Variants in TMEM114 observed in about 807,000 individuals in gnomAD.
TMEM114 encodes the protein transmembrane protein 114.
Under a neutral mutation model 6.2 loss-of-function variants are expected in TMEM114, and 6 were observed. That is an observed-to-expected ratio of 0.97 (90% confidence interval 0.53 to 1.91). The LOEUF (loss-of-function observed/expected upper bound fraction) is 1.91, where lower values mean the gene tolerates loss of function less well. Among genes scored for constraint, TMEM114 ranks in the 40% most tolerant of loss-of-function variants. TMEM114 has a pLI of 0.01. For missense variants in TMEM114, 218 were observed against 158.3 expected, an observed-to-expected ratio of 1.38 and a Z score of -2.02; for synonymous variants, 104 against 73.0, an observed-to-expected ratio of 1.42 and a Z score of -2.16.
chr16:8,571,514 G>A (rs1476249328), intron 3 of TMEM114, among the ~76,000 whole-genome samples: 7 of 152,038 alleles, frequency 4.6e-5, no homozygotes, highest in South Asian at 2.1e-4. Context: ...TCACCATGAC[G>A]CCCAATAGAT....
At chr16:8,574,038 G>A (rs1186583972) in intron 2 of TMEM114, among the ~76,000 whole-genome samples, 1 of 152,148 alleles carries the variant, frequency 6.6e-6, no homozygotes, top group Non-Finnish European at 1.5e-5. Flanking sequence ...TAGACAGTGT[G>A]GCTCTCAGGC....
chr16:8,542,391 G>A (rs1900541071), intron 2 of TMEM114, among the ~76,000 whole-genome samples: 1 of 152,194 alleles, frequency 6.6e-6, no homozygotes, highest in Non-Finnish European at 1.5e-5. Context: ...ATAAGGAGAT[G>A]TGAGGGTCTC....
chr16:8,527,497 A>C, the TMEM114 span, among the ~76,000 whole-genome samples: 1 of 152,174 alleles, frequency 6.6e-6, no homozygotes, highest in African/African-American at 2.4e-5. Context: ...GCACAAAATA[A>C]GATAACAACT....
intron 2 of TMEM114, among the ~76,000 whole-genome samples, chr16:8,561,208 C>T (rs557737577): frequency 8.5e-5 from 13 of 152,318 alleles, no homozygotes; most frequent in South Asian, 4.1e-4. Flanking sequence ...TCTGTCCAGC[C>T]CTAGGGAGAT....
intron 2 of TMEM114, among the ~76,000 whole-genome samples, chr16:8,556,222 C>G (rs1210024135): frequency 2.0e-5 from 3 of 152,164 alleles, no homozygotes; most frequent in African/African-American, 7.2e-5. Context: ...ACACAAGTAT[C>G]AGCCCCTCTG....
intron 2 of TMEM114, among the ~76,000 whole-genome samples, chr16:8,562,614 GAGTGAGTGAGTGAATGAATCAGTC>G (rs1309941971): frequency 6.7e-6 from 1 of 150,178 alleles, no homozygotes; most frequent in African/African-American, 2.5e-5. Flanking sequence ...GTGAGTGAAT[GAGTGAGTGAGTGAATGAATCAGTC>G]AGTAAGTGAA....
intron 2 of TMEM114, among the ~76,000 whole-genome samples, chr16:8,539,617 G>A (rs1596465038): frequency 6.6e-6 from 1 of 152,122 alleles, no homozygotes; most frequent in Admixed American, 6.5e-5. Flanking sequence ...ATTCGGGGTT[G>A]TATCAGCTGG....
intron 2 of TMEM114, among the ~76,000 whole-genome samples, chr16:8,553,878 CTT>C (rs112276790): frequency 2.8e-5 from 4 of 144,732 alleles, no homozygotes; most frequent in South Asian, 2.2e-4. Context: ...TTTTCCTTTT[CTT>C]TTTTTTTTTT....
rs936208346 is a variant in TMEM114, at chr16:8,590,492, G to T, written c.-654C>A. On this transcript the variant is annotated 5_prime_UTR_variant, in exon 1 of 4. Transcript: ENST00000620492. ...GCTGACCCTCTGAGCCCTCCTCCTC[G>T]CCGAGGAAAAGCTCGGAGTGCGCAC... 6.6e-6 allele frequency among the ~76,000 whole-genome samples: 1 copy of T among 152,236 alleles called. No individual in the cohort carries two copies. The highest frequency in any genetic ancestry group is 1.5e-5 in the Non-Finnish European group (1 of 68,008).
intron 2 of TMEM114, among the ~76,000 whole-genome samples, chr16:8,563,961 A>G (rs1357271686): frequency 7.2e-5 from 9 of 125,140 alleles, no homozygotes; most frequent in East Asian, 3.0e-4. Context: ...GAGTGAGTGA[A>G]TGAGTGAATG....
chr16:8,531,904 G>T, the TMEM114 span: 1 of 152,326 alleles, frequency 6.6e-6, no homozygotes, highest in South Asian at 2.1e-4. Context: ...TTGGCAGATA[G>T]CTCTGTTATG....
At position 8,572,168 on chromosome 16, in the gene TMEM114, C is replaced by G. The variant is rs1049290776; in HGVS notation, c.358G>C (p.Gly120Arg). 2.0e-5 allele frequency: 31 copies of G among 1,551,594 alleles called. No homozygotes were observed. The highest frequency in any genetic ancestry group is 2.7e-5 in the Non-Finnish European group (31 of 1,146,956). ...AAGCTCAGAAACCCCGTCATCCCCC[C>G]AAAAACCATCAGGATCAGGCTGAGC... ...LPLSLILMVF[G>R]GMTGFLSFLL... Residue 120 changes from glycine to arginine, a missense_variant, in exon 3 of 4, where the codon GGG becomes CGG. Coordinates refer to ENST00000620492, the MANE Select transcript of TMEM114 (RefSeq NM_001146336.2).
intron 2 of TMEM114, among the ~76,000 whole-genome samples, chr16:8,547,042 T>A (rs1399095797): frequency 1.3e-5 from 2 of 152,236 alleles, no homozygotes; most frequent in Non-Finnish European, 2.9e-5. Context: ...TTAGAATGTT[T>A]ATCCAGTCTG....
chr16:8,557,184 G>C (rs1413726696), intron 2 of TMEM114, among the ~76,000 whole-genome samples: 1 of 152,134 alleles, frequency 6.6e-6, no homozygotes, highest in Non-Finnish European at 1.5e-5. Flanking sequence ...TTCCCTCCTT[G>C]TGAATCAGAA....
At chr16:8,586,672 G>C (rs145559439) in intron 2 of TMEM114, among the ~76,000 whole-genome samples, 6 of 152,026 alleles carry the variant, frequency 3.9e-5, no homozygotes, top group African/African-American at 1.4e-4. Context: ...ACCACACCGG[G>C]CTAATTTTTG....
intron 2 of TMEM114, among the ~76,000 whole-genome samples, chr16:8,539,008 T>C (rs1001404809): frequency 6.6e-6 from 1 of 152,180 alleles, no homozygotes; most frequent in African/African-American, 2.4e-5. Flanking sequence ...GCTCAATAAA[T>C]ATGTACTCAA....
chr16:8,548,554 C>A (rs1209594608), intron 2 of TMEM114, among the ~76,000 whole-genome samples: 1 of 152,104 alleles, frequency 6.6e-6, no homozygotes, highest in African/African-American at 2.4e-5. Context: ...TGTACTGTGA[C>A]CTTTTGCAGG....
downstream of TMEM114, among the ~76,000 whole-genome samples, chr16:8,565,869 A>T (rs958607552): frequency 4.6e-5 from 7 of 152,250 alleles, no homozygotes; most frequent in East Asian, 1.4e-3. Flanking sequence ...TTGTTTTTTA[A>T]ATAGGACCCC....
chr16:8,567,210 C>T (rs1337648219), downstream of TMEM114, among the ~76,000 whole-genome samples: 2 of 152,010 alleles, frequency 1.3e-5, no homozygotes, highest in African/African-American at 4.8e-5. Flanking sequence ...CGCCCGGCCT[C>T]ATCACCCTGT....
Sources: allele counts gnomAD v4.1 joint callset (sites outside exome capture counted in the v4.1 genomes callset), GRCh38; gene constraint gnomAD v4.1.1; transcripts MANE v1.5; gene names NCBI Gene and HGNC (gene_info 2026-07-23, HGNC 2026-07-21).